TMEM108: variants seen among roughly 807,000 people sequenced by gnomAD.
The protein encoded by TMEM108 is cancer/testis antigen 124.
A neutral mutation model predicts 35.1 loss-of-function variants in TMEM108; 12 were observed. That is an observed-to-expected ratio of 0.34 (90% confidence interval 0.22 to 0.55). The LOEUF (loss-of-function observed/expected upper bound fraction) is 0.55, where lower values mean the gene tolerates loss of function less well. Among genes scored for constraint, TMEM108 ranks in the 20% least tolerant of loss-of-function variants. The pLI is 0.89. For missense variants in TMEM108, 680 were observed against 753.3 expected (o/e 0.90, Z 1.14); for synonymous variants, 287 against 308.6 (o/e 0.93, Z 0.73).
intron 3 of TMEM108, among the ~76,000 whole-genome samples, chr3:133,334,343 G>A (rs1337347277): frequency 6.6e-6 from 1 of 152,116 alleles, no homozygotes; most frequent in Non-Finnish European, 1.5e-5. Flanking sequence ...CAAAAAACGA[G>A]ACCCAGTAAG....
In TMEM108 at chr3:133,313,389, G is replaced by T. The variant is rs561527478; in HGVS notation, c.41-66363G>T. 7.2e-5 allele frequency among the ~76,000 whole-genome samples: 11 copies of T among 152,012 alleles called. No individual in the cohort carries two copies. In the South Asian group the frequency reaches 2.3e-3, roughly 32 times the overall value. On this transcript the variant is annotated intron_variant, in intron 3 of 5. Coordinates refer to ENST00000321871, the MANE Select transcript of TMEM108 (RefSeq NM_023943.4). The stretch of plus-strand genomic sequence containing the variant: ...ATTCTTTGTATTTTTAGTAGAGACG[G>T]GTTTTCACCGTGGTCCCAATCTCCT...
At chr3:133,065,444 T>C (rs1943595282) in intron 2 of TMEM108, among the ~76,000 whole-genome samples, 2 of 152,204 alleles carry the variant, frequency 1.3e-5, no homozygotes, top group African/African-American at 2.4e-5. Context: ...TCTCCACCTC[T>C]GACCTAGTTT....
rs1198815394 is a variant in TMEM108 at position 133,233,669 on chromosome 3, G to A, written c.40+4318G>A. ...ACAGTCCCACCAACAGTGTAAAAGT[G>A]TTCCTATTTCTCCACATCCTCTCCA... is the stretch of plus-strand genomic sequence containing the variant. On this transcript the variant is annotated intron_variant, in intron 3 of 5. Transcript: ENST00000321871. 3.2e-4 allele frequency among the ~76,000 whole-genome samples: 48 copies of A among 149,444 alleles called. 1 individual carries two copies. The highest frequency in any genetic ancestry group is 1.1e-3 in the African/African-American group (46 of 41,076).
At position 133,165,092 on chromosome 3, in the gene TMEM108, T is replaced by C. The variant is rs61688746; in HGVS notation, c.-46-64174T>C. ...TTGATTCTCTTAGAAGCTATTCTTC[T>C]GTGTCATCATTGAACACCCAGAAAG... On this transcript the variant is annotated intron_variant, in intron 2 of 5. Transcript: ENST00000321871. 7.2e-5 allele frequency among the ~76,000 whole-genome samples: 11 copies of C among 152,366 alleles called. No homozygotes were observed. The East Asian group carries it at 2.1e-3, about 29-fold the overall frequency.
chr3:133,223,750 G>A (rs896142494), intron 2 of TMEM108, among the ~76,000 whole-genome samples: 8 of 150,672 alleles, frequency 5.3e-5, no homozygotes, highest in African/African-American at 1.9e-4. Flanking sequence ...TTTATATAGA[G>A]GCAATTAGGA....
chr3:133,305,506 A>G (rs901603711), intron 3 of TMEM108, among the ~76,000 whole-genome samples: 12 of 146,204 alleles, frequency 8.2e-5, no homozygotes, highest in Non-Finnish European at 1.5e-4. Flanking sequence ...CTGAAATATA[A>G]AGTATAATAA....
chr3:133,318,269 G>C (rs1209460152), intron 3 of TMEM108, among the ~76,000 whole-genome samples: 1 of 152,210 alleles, frequency 6.6e-6, no homozygotes, highest in Non-Finnish European at 1.5e-5. Context: ...GCCCCTGGAA[G>C]ACACTACACT....
intron 3 of TMEM108, among the ~76,000 whole-genome samples, chr3:133,317,301 A>G (rs1029980538): frequency 6.6e-6 from 1 of 152,214 alleles, no homozygotes; most frequent in African/African-American, 2.4e-5. Context: ...CTCTTGATAC[A>G]AGATACTTGA....
At chr3:133,140,614 GTCTTTTAAAACCATCC>G (rs1944627915) in intron 2 of TMEM108, among the ~76,000 whole-genome samples, 1 of 152,164 alleles carries the variant, frequency 6.6e-6, no homozygotes, top group African/African-American at 2.4e-5. Flanking sequence ...GTGGTAAAGA[GTCTTTTAAAACCATCC>G]TCACAAAACA....
intron 3 of TMEM108, among the ~76,000 whole-genome samples, chr3:133,330,454 A>G (rs1381967376): frequency 6.6e-6 from 1 of 152,154 alleles, no homozygotes; most frequent in Non-Finnish European, 1.5e-5. Context: ...GAGAATATGT[A>G]TTATTTTGAT....
intron 2 of TMEM108, among the ~76,000 whole-genome samples, chr3:133,208,304 C>T (rs868542357): frequency 2.0e-5 from 3 of 152,106 alleles, no homozygotes; most frequent in African/African-American, 7.2e-5. Context: ...CACGTGGTAA[C>T]ATTACTGTGA....
chr3:133,360,313 T>G (rs1203400095), intron 3 of TMEM108, among the ~76,000 whole-genome samples: 1 of 152,192 alleles, frequency 6.6e-6, no homozygotes, highest in Non-Finnish European at 1.5e-5. Context: ...CGCCAATCTG[T>G]GCACTTAAAA....
At chr3:133,099,752 A>G (rs1489820374) in intron 2 of TMEM108, among the ~76,000 whole-genome samples, 5 of 152,126 alleles carry the variant, frequency 3.3e-5, no homozygotes. Context: ...CCAGTTCCCA[A>G]CAAGTTCCTT....
chr3:133,070,735 T>C lies in TMEM108; in HGVS notation c.-47+24715T>C, dbSNP rs544170297. On this transcript the variant is annotated intron_variant, in intron 2 of 5. Coordinates refer to ENST00000321871, the MANE Select transcript of TMEM108 (RefSeq NM_023943.4). ...AGTAAACTCTTTGCAGTGAATGCTTTCTCTGATGTATGTGTGTGTGTGTGT... is the reference window on the plus strand; with the variant it reads ...AGTAAACTCTTTGCAGTGAATGCTTCCTCTGATGTATGTGTGTGTGTGTGT... 1.8e-4 allele frequency among the ~76,000 whole-genome samples: 23 copies of C among 125,790 alleles called. No homozygotes were observed. In the South Asian group the frequency reaches 6.1e-3, roughly 33 times the overall value. The allele number at this position is 125,790 out of a possible 152,430, so 82.5% of individuals were successfully genotyped here.
rs973754803 is a variant in TMEM108, at chr3:133,346,531, A to G, written c.41-33221A>G. Among the ~76,000 whole-genome samples, 1 of 152,002 alleles carries G rather than the reference A, an allele frequency of 6.6e-6. No individual in the cohort carries two copies. The highest frequency in any genetic ancestry group is 2.4e-5 in the African/African-American group (1 of 41,432). Reference sequence around the variant, plus strand: ...TTGAATTTTCTTATATTAAATTTTAAGAGAGATTTGTATATTTTGGATTCA... The same window carrying G: ...TTGAATTTTCTTATATTAAATTTTAGGAGAGATTTGTATATTTTGGATTCA... On this transcript the variant is annotated intron_variant, in intron 3 of 5. Coordinates refer to ENST00000321871, the MANE Select transcript of TMEM108 (RefSeq NM_023943.4). The surrounding 1 kb of genome is among the most constrained non-coding windows in gnomAD (Gnocchi z 4.0).
intron 2 of TMEM108, among the ~76,000 whole-genome samples, chr3:133,059,377 T>C (rs1227195984): frequency 1.3e-5 from 2 of 152,214 alleles, no homozygotes; most frequent in Non-Finnish European, 2.9e-5. Flanking sequence ...TGACTTTTTT[T>C]TGGAAGGGTC....
chr3:133,211,444 G>A (rs1196321237), intron 2 of TMEM108, among the ~76,000 whole-genome samples: 3 of 152,162 alleles, frequency 2.0e-5, no homozygotes, highest in Admixed American at 1.3e-4. Context: ...CATAAGCAGT[G>A]CAGTCAAAAT....
At chr3:133,324,844 C>T (rs751620853) in intron 3 of TMEM108, among the ~76,000 whole-genome samples, 16 of 152,216 alleles carry the variant, frequency 1.1e-4, no homozygotes, top group South Asian at 2.1e-4. Context: ...GGCATGGTGG[C>T]GGGCACCTGC....
At chr3:133,162,638 G>A (rs1351267509) in intron 2 of TMEM108, among the ~76,000 whole-genome samples, 1 of 152,232 alleles carries the variant, frequency 6.6e-6, no homozygotes, top group African/African-American at 2.4e-5. Flanking sequence ...ATTACAGGAT[G>A]TGGTCTTGGG....
Sources: gnomAD v4.1 joint callset for allele counts (sites outside exome capture counted in the v4.1 genomes callset) on GRCh38, gnomAD v4.1.1 for gene constraint, Gnocchi (gnomAD v3.1) non-coding constraint, MANE v1.5 for transcripts, NCBI Gene and HGNC (gene_info 2026-07-23, HGNC 2026-07-21) for gene names.